The following ERBB2 variants were observed in gnomAD, a reference collection of about 807,000 sequenced individuals.
The protein encoded by ERBB2 is erb-b2 receptor tyrosine kinase 2, also known as receptor tyrosine-protein kinase erbB-2.
Under a neutral mutation model 149.0 loss-of-function variants are expected in ERBB2, and 61 were observed. That is an observed-to-expected ratio of 0.41 (90% CI 0.33 to 0.51). ERBB2 has a LOEUF of 0.51. Ranked by LOEUF, ERBB2 falls within the 20% of genes least tolerant of loss-of-function variation. The pLI is 0.25. For missense variants in ERBB2, 1,205 were observed against 1,655.1 expected (o/e 0.73, Z 4.72); for synonymous variants, 633 against 678.8 (o/e 0.93, Z 1.05).
At chr17:39,709,986 A>T in intron 5 of ERBB2, 100 bp from the exon 6 acceptor site, 3 of 1,500,734 alleles carry the variant, frequency 2.0e-6, no homozygotes, top group South Asian at 1.1e-5. Context: ...CAGGCTTGGG[A>T]TGTCTCCCCT....
At chr17:39,694,271 G>A (rs1459969212), upstream of ERBB2, among the ~76,000 whole-genome samples, 13 of 26,646 alleles carry the variant, frequency 4.9e-4, no homozygotes, top group Non-Finnish European at 5.2e-4. Context: ...ATATATATGT[G>A]TGTATATATA....
rs539683889 is a variant in ERBB2, at chr17:39,727,952, G to A, written c.3676G>A (p.Asp1226Asn). 3.1e-6 allele frequency: 5 copies of A among 1,614,048 alleles called. No homozygotes were observed. The African/African-American group carries it at 6.7e-5, about 22-fold the overall frequency. Residue 1226 changes from aspartate to asparagine, a missense_variant, in exon 27 of 27, where the codon GAC becomes AAC. Coordinates refer to ENST00000269571, the MANE Select transcript of ERBB2 (RefSeq NM_004448.4). The surrounding 1 kb of genome is among the most constrained non-coding windows in gnomAD (Gnocchi z 4.3). ...AFDNLYYWDQ[D>N]PPERGAPPST... The stretch of plus-strand genomic sequence containing the variant: ...CGACAACCTCTATTACTGGGACCAG[G>A]ACCCACCAGAGCGGGGGGCTCCACC...
At chr17:39,717,177 C>G in intron 14 of ERBB2, 143 bp from the exon 15 acceptor site, 1 of 611,960 alleles carries the variant, frequency 1.6e-6, no homozygotes, top group Non-Finnish European at 2.7e-6. Flanking sequence ...GGGTGAAGAG[C>G]AAGGGTGTTT....
chr17:39,699,705 G>A, upstream of ERBB2: 3 of 748,172 alleles, frequency 4.0e-6, no homozygotes, highest in Non-Finnish European at 6.8e-6. Flanking sequence ...AAGCTCCCCA[G>A]GAAAGTTTAA....
At chr17:39,688,413 A>G (rs2057609758) in intron 1 of ERBB2, 1 of 174,684 alleles carries the variant, frequency 5.7e-6, no homozygotes, top group Non-Finnish European at 1.2e-5. Context: ...CAGCCGCAGT[A>G]GCTTCTTAAT....
chr17:39,726,801 TC>T lies in ERBB2; in HGVS notation c.2971-12del. On this transcript the variant is annotated splice_polypyrimidine_tract_variant and intron_variant, in intron 24 of 26. Coordinates refer to ENST00000269571, the MANE Select transcript of ERBB2 (RefSeq NM_004448.4). The surrounding 1 kb of genome is among the most constrained non-coding windows in gnomAD (Gnocchi z 5.1). ...TGGGGAGGGGCCACCATCCTGCCTC[TC>T]CTTCCTCCACAGAATGAGGACTTGG... is the stretch of plus-strand genomic sequence containing the variant. The T allele has an allele frequency of 6.2e-7, 1 of 1,608,896 alleles. No homozygotes were observed. The highest frequency in any genetic ancestry group is 8.5e-7 in the Non-Finnish European group (1 of 1,176,220).
In ERBB2 at chr17:39,715,282, C is replaced by G. The variant is rs1434051186; in HGVS notation, c.1149-4C>G. On this transcript the variant is annotated splice_polypyrimidine_tract_variant and splice_region_variant and intron_variant, in intron 9 of 26. Coordinates refer to ENST00000269571, the MANE Select transcript of ERBB2 (RefSeq NM_004448.4). ...CCTGCTGACTCCTCTCCTGACCCCT[C>G]CAGGGACCCAGCCTCCAACACTGCC... The G allele has an allele frequency of 6.2e-7, 1 of 1,613,724 alleles. No individual in the cohort carries two copies. Among genetic ancestry groups the G allele is most frequent in the African/African-American group, 1.3e-5 (1 of 74,888 alleles).
At chr17:39,694,671 C>T (rs2057820576), upstream of ERBB2, 1 of 152,156 alleles carries the variant, frequency 6.6e-6, no homozygotes, top group South Asian at 2.1e-4. Flanking sequence ...TAGTTGTATG[C>T]TTCTCAAAGG....
chr17:39,691,745 A>G (rs2057707449), upstream of ERBB2, among the ~76,000 whole-genome samples: 5 of 148,964 alleles, frequency 3.4e-5, no homozygotes, highest in African/African-American at 1.2e-4. Flanking sequence ...GGAAACAACT[A>G]AATGTCCATC....
Position 39,725,800 on chromosome 17 carries a change from G to A in ERBB2, c.2819G>A (p.Arg940Gln), listed in dbSNP as rs2143072422. ...EIPDLLEKGE[R>Q]LPQPPICTID... ...CCTGACCTGCTGGAAAAGGGGGAGCGGCTGCCCCAGCCCCCCATCTGCACC... is the reference window on the plus strand; with the variant it reads ...CCTGACCTGCTGGAAAAGGGGGAGCAGCTGCCCCAGCCCCCCATCTGCACC... The change falls in exon 23 of 27, where the codon CGG becomes CAG. Residue 940 changes from arginine to glutamine, a missense_variant. Transcript: ENST00000269571. This position sits in a 1 kb window ranked among gnomAD's most constrained non-coding sequence, Gnocchi z 4.6. 6.2e-7 allele frequency: 1 copy of A among 1,613,552 alleles called. No homozygotes were observed. Among genetic ancestry groups the A allele is most frequent in the Non-Finnish European group, 8.5e-7 (1 of 1,179,812 alleles).
At chr17:39,699,482 C>T (rs2057964211), upstream of ERBB2, 1 of 1,445,846 alleles carries the variant, frequency 6.9e-7, no homozygotes, top group Non-Finnish European at 9.2e-7. Flanking sequence ...AAAGTCCTTT[C>T]GATGTGACTG....
Position 39,719,830 on chromosome 17 carries a change from G to A in ERBB2, c.1942G>A (p.Ala648Thr), listed in dbSNP as rs777759226. The change falls in exon 16 of 27, where the codon GCC (alanine) becomes ACC (threonine). Residue 648 changes from alanine to threonine, a missense_variant. By Grantham distance (58) the Ala-to-Thr change is moderately conservative. Transcript: ENST00000269571. Reference protein sequence around the residue: ...DDKGCPAEQRASPLTSIISAV... With the variant: ...DDKGCPAEQRTSPLTSIISAV... ...CAAGGGCTGCCCCGCCGAGCAGAGA[G>A]CCAGGTTGGCCTGGACCCCAGGATG... is the stretch of plus-strand genomic sequence containing the variant. 2 of 1,614,178 alleles carry A rather than the reference G, an allele frequency of 1.2e-6. No individual in the cohort carries two copies. Among genetic ancestry groups the A allele is most frequent in the Non-Finnish European group, 1.7e-6 (2 of 1,179,984 alleles).
Position 39,728,229 on chromosome 17 carries a change from C to T in ERBB2, c.*185C>T. On this transcript the variant is annotated 3_prime_UTR_variant, in exon 27 of 27. Transcript: ENST00000269571. ...TCCCAGATGGCTGGAAGGGGTCCAGCCTCGTTGGAAGAGGAACAGCACTGG... is the reference window on the plus strand; with the variant it reads ...TCCCAGATGGCTGGAAGGGGTCCAGTCTCGTTGGAAGAGGAACAGCACTGG... 1 of 549,428 alleles carries T rather than the reference C, an allele frequency of 1.8e-6. No homozygotes were observed. The highest frequency in any genetic ancestry group is 3.2e-6 in the Non-Finnish European group (1 of 309,146). 34.0% of individuals were successfully genotyped at this position (549,428 alleles called of 1,614,324 possible). A position where few individuals can be genotyped will look rare whatever the true frequency, so the allele number is the denominator to read the frequency against.
chr17:39,712,611 G>A, intron 9 of ERBB2, among the ~76,000 whole-genome samples, 163 bp downstream of exon 9: 1 of 152,126 alleles, frequency 6.6e-6, no homozygotes, highest in Admixed American at 6.6e-5. Context: ...TTGGTGGGTG[G>A]GGGTGATTAT....
chr17:39,718,984 G>A (rs1435668700), intron 15 of ERBB2, among the ~76,000 whole-genome samples: 1 of 152,108 alleles, frequency 6.6e-6, no homozygotes, highest in Admixed American at 6.5e-5. Flanking sequence ...ATCCAGGCTG[G>A]GCATGGTGGC....
At position 39,705,900 on chromosome 17, in the gene ERBB2, G is replaced by A. The variant is rs939531698; in HGVS notation, c.74-1090G>A. Among the ~76,000 whole-genome samples the A allele has an allele frequency of 5.9e-5, 9 of 152,300 alleles. No individual in the cohort carries two copies. The South Asian group carries it at 1.9e-3, about 32-fold the overall frequency. On this transcript the variant is annotated intron_variant, in intron 1 of 26. Coordinates refer to ENST00000269571, the MANE Select transcript of ERBB2 (RefSeq NM_004448.4). ...GCAGCTCAGGCACCTGTGGGCCTGA[G>A]GGTGCCCTCTGCCCCCACCCTTCCG...
rs368218140 is a variant in ERBB2, at chr17:39,714,335, C to T, written c.1149-951C>T. Among the ~76,000 whole-genome samples, 12 of 152,100 alleles carry T rather than the reference C, an allele frequency of 7.9e-5. No individual in the cohort carries two copies. In the East Asian group the frequency reaches 1.7e-3, roughly 22 times the overall value. The stretch of plus-strand genomic sequence containing the variant: ...CTTTCAATAGCTGCAGAGCAGGTGG[C>T]GGCAAGGAGAGGCAGCTAAGAGCCC... On this transcript the variant is annotated intron_variant, in intron 9 of 26. Coordinates refer to ENST00000269571, the MANE Select transcript of ERBB2 (RefSeq NM_004448.4).
intron 3 of ERBB2, among the ~76,000 whole-genome samples, chr17:39,708,990 G>A (rs373461032): frequency 6.6e-6 from 1 of 152,162 alleles, no homozygotes; most frequent in Non-Finnish European, 1.5e-5. Context: ...CAGCTAGTGA[G>A]TGATGGGGCT....
rs755356658 is a variant in ERBB2 at position 39,726,443 on chromosome 17, C to T, written c.2873-119C>T. 7.8e-6 allele frequency: 6 copies of T among 770,290 alleles called. No homozygotes were observed. Among genetic ancestry groups the T allele is most frequent in the Admixed American group, 4.0e-5 (2 of 49,608 alleles). 47.7% of individuals were successfully genotyped at this position (770,290 alleles called of 1,614,324 possible). A position where few individuals can be genotyped will look rare whatever the true frequency, so the allele number is the denominator to read the frequency against. On this transcript the variant is annotated intron_variant, in intron 23 of 26. Coordinates refer to ENST00000269571, the MANE Select transcript of ERBB2 (RefSeq NM_004448.4). This position sits in a 1 kb window ranked among gnomAD's most constrained non-coding sequence, Gnocchi z 5.1. ...GAGTCTGGTGCTACTTCTCTACCAC[C>T]TGAGGGCTTTGGGCTGTCCCTTGGG...
Sources: allele counts gnomAD v4.1 joint callset (sites outside exome capture counted in the v4.1 genomes callset), GRCh38; gene constraint gnomAD v4.1.1; non-coding constraint Gnocchi (gnomAD v3.1); transcripts MANE v1.5; gene names NCBI Gene and HGNC (gene_info 2026-07-23, HGNC 2026-07-21).